The following ANKFN1 variants were observed in gnomAD, a reference collection of about 807,000 sequenced individuals.
The protein encoded by ANKFN1 is ankyrin repeat and fibronectin type-III domain-containing protein 1.
A neutral mutation model predicts 108.7 loss-of-function variants in ANKFN1; 74 were observed. The ratio of observed to expected loss-of-function variants is 0.68; its 90% CI spans 0.56 to 0.83. The LOEUF (loss-of-function observed/expected upper bound fraction) is 0.83. ANKFN1 is among the 40% of genes least tolerant of loss of function. The probability of loss-of-function intolerance (pLI) is 0.00; values close to 1 mark genes in which losing one functional copy is unlikely to be tolerated. For missense variants in ANKFN1, 1,505 were observed against 1,382.3 expected (o/e 1.09, Z -1.41); for synonymous variants, 547 against 516.2 (o/e 1.06, Z -0.81).
intron 3 of ANKFN1, among the ~76,000 whole-genome samples, chr17:56,316,152 T>A (rs1396032833): frequency 2.6e-5 from 4 of 152,200 alleles, no homozygotes; most frequent in Admixed American, 2.6e-4. Flanking sequence ...ACAGTCAACG[T>A]TTAACTGATA....
At chr17:56,447,778 G>A (rs553273913) in intron 10 of ANKFN1, among the ~76,000 whole-genome samples, 11 of 152,214 alleles carry the variant, frequency 7.2e-5, no homozygotes, top group East Asian at 1.9e-4. Context: ...TTTAATGCTC[G>A]CAAATATCCT....
intron 1 of ANKFN1, among the ~76,000 whole-genome samples, chr17:56,166,007 A>G (rs912531016): frequency 6.6e-6 from 1 of 152,076 alleles, no homozygotes; most frequent in Non-Finnish European, 1.5e-5. Context: ...TACTCTCACC[A>G]TCATTTCAAT....
intron 3 of ANKFN1, among the ~76,000 whole-genome samples, chr17:56,253,531 A>G (rs2043284109): frequency 6.6e-6 from 1 of 152,170 alleles, no homozygotes. Context: ...TGAGGTCAGG[A>G]GTTTGAGACC....
intron 4 of ANKFN1, among the ~76,000 whole-genome samples, chr17:56,114,353 G>C (rs926795022): frequency 1.3e-5 from 2 of 152,138 alleles, no homozygotes; most frequent in Non-Finnish European, 1.5e-5. Context: ...AGTACAAATG[G>C]CTAACACACA....
intron 8 of ANKFN1, among the ~76,000 whole-genome samples, chr17:56,420,109 C>T (rs1324032150): frequency 2.6e-5 from 4 of 152,148 alleles, no homozygotes; most frequent in South Asian, 2.1e-4. Flanking sequence ...ACGTTATTCC[C>T]TCTGCATGAC....
intron 2 of ANKFN1, among the ~76,000 whole-genome samples, chr17:56,227,218 G>A (rs1916350007): frequency 6.6e-6 from 1 of 151,942 alleles, no homozygotes; most frequent in African/African-American, 2.4e-5. Context: ...ACCACAATAG[G>A]TCCAATAAAT....
At chr17:56,139,506 C>G (rs1337981111) in intron 4 of ANKFN1, among the ~76,000 whole-genome samples, 1 of 152,072 alleles carries the variant, frequency 6.6e-6, no homozygotes, top group Non-Finnish European at 1.5e-5. Flanking sequence ...TTTGTTTTTA[C>G]CGGCAGAGGT....
intron 4 of ANKFN1, among the ~76,000 whole-genome samples, chr17:56,344,736 C>T (rs2046051968): frequency 6.6e-6 from 1 of 151,818 alleles, no homozygotes; most frequent in African/African-American, 2.4e-5. Flanking sequence ...TGAAGATAAG[C>T]CTTGTGAGTA....
At chr17:56,088,143 C>G (rs1223020418) in intron 4 of ANKFN1, among the ~76,000 whole-genome samples, 2 of 151,262 alleles carry the variant, frequency 1.3e-5, no homozygotes, top group African/African-American at 4.9e-5. Context: ...TAATTTTCAA[C>G]CACCTTCAGT....
At chr17:56,201,288 A>G (rs1288962606) in intron 1 of ANKFN1, among the ~76,000 whole-genome samples, 1 of 152,150 alleles carries the variant, frequency 6.6e-6, no homozygotes, top group African/African-American at 2.4e-5. Flanking sequence ...TCTTCTACCT[A>G]GAAAACTATT....
Position 56,273,872 on chromosome 17 carries a change from A to G in ANKFN1, c.53+45915A>G, listed in dbSNP as rs1154928. Among the ~76,000 whole-genome samples, 367 of 152,150 alleles carry G rather than the reference A, an allele frequency of 2.4e-3. 1 individual carries two copies. Among genetic ancestry groups the G allele is most frequent in the African/African-American group, 8.2e-3 (342 of 41,472 alleles). On this transcript the variant is annotated intron_variant, in intron 3 of 20. Coordinates refer to ENST00000682825, the MANE Select transcript of ANKFN1 (RefSeq NM_001370326.1). Reference sequence around the variant, plus strand: ...GCAATTATTCATTTAAATGAAAAAGACTGGGATAAGTTTAGCTTCAGGTAC... The same window carrying G: ...GCAATTATTCATTTAAATGAAAAAGGCTGGGATAAGTTTAGCTTCAGGTAC...
intron 4 of ANKFN1, among the ~76,000 whole-genome samples, chr17:56,126,679 T>C (rs944060761): frequency 1.7e-4 from 26 of 152,168 alleles, no homozygotes; most frequent in African/African-American, 6.3e-4. Flanking sequence ...CACCTAATTC[T>C]CCCAGATGAT....
At position 56,511,143 on chromosome 17, in the gene ANKFN1, A is replaced by C; in HGVS notation, c.3315A>C (p.Lys1105Asn). 6.5e-7 allele frequency: 1 copy of C among 1,535,726 alleles called. No homozygotes were observed. The highest frequency in any genetic ancestry group is 2.4e-5 in the East Asian group (1 of 40,860). The part of the protein sequence containing the change: ...YAAAVVAQDE[K>N]PWASLSPPSG... ...CGGCCGTGGTGGCCCAGGACGAAAA[A>C]CCATGGGCAAGCTTGAGCCCGCCCT... The change falls in exon 21 of 21, where the codon AAA becomes AAC. Residue 1105 changes from lysine to asparagine, a missense_variant. Coordinates refer to ENST00000682825, the MANE Select transcript of ANKFN1 (RefSeq NM_001370326.1).
intron 18 of ANKFN1, among the ~76,000 whole-genome samples, chr17:56,485,925 C>A (rs2050841898): frequency 6.6e-6 from 1 of 152,120 alleles, no homozygotes; most frequent in Non-Finnish European, 1.5e-5. Flanking sequence ...CTAGTAAGTT[C>A]TCAGGTAATA....
chr17:56,165,041 T>G (rs1910020108), intron 1 of ANKFN1, among the ~76,000 whole-genome samples: 1 of 152,228 alleles, frequency 6.6e-6, no homozygotes, highest in Admixed American at 6.5e-5. Flanking sequence ...CCTAATTTGC[T>G]TTTCATCCTG....
chr17:56,281,349 C>A (rs1051543322), intron 3 of ANKFN1, among the ~76,000 whole-genome samples: 4 of 151,928 alleles, frequency 2.6e-5, no homozygotes, highest in Non-Finnish European at 5.9e-5. Context: ...ACAACTAGAT[C>A]ATAATTTGAA....
chr17:56,451,665 C>T (rs2049493657), intron 11 of ANKFN1, among the ~76,000 whole-genome samples: 1 of 152,094 alleles, frequency 6.6e-6, no homozygotes, highest in Non-Finnish European at 1.5e-5. Context: ...ATAATATTAC[C>T]TATCTTGCAG....
At chr17:56,310,996 C>A (rs2045006086) in intron 3 of ANKFN1, among the ~76,000 whole-genome samples, 1 of 152,192 alleles carries the variant, frequency 6.6e-6, no homozygotes. Flanking sequence ...TTAGATGCTA[C>A]ACTAGAGTGA....
intron 4 of ANKFN1, among the ~76,000 whole-genome samples, chr17:56,137,453 C>T (rs1907664553): frequency 6.6e-6 from 1 of 152,174 alleles, no homozygotes; most frequent in Admixed American, 6.5e-5. Context: ...CTCGTAGAAA[C>T]TTCCAATCTA....
Sources: allele counts gnomAD v4.1 joint callset (sites outside exome capture counted in the v4.1 genomes callset), GRCh38; gene constraint gnomAD v4.1.1; transcripts MANE v1.5; gene names NCBI Gene and HGNC (gene_info 2026-07-23, HGNC 2026-07-21).